The following PDSS2 variants were observed in gnomAD, a reference collection of about 807,000 sequenced individuals.
The protein encoded by PDSS2 is decaprenyl diphosphate synthase subunit 2.
A neutral mutation model predicts 44.5 loss-of-function variants in PDSS2; 31 were observed. That is an observed-to-expected ratio of 0.70 (90% CI 0.52 to 0.94). PDSS2 has a LOEUF of 0.94. Ranked by LOEUF, PDSS2 falls within the 40% of genes least tolerant of loss-of-function variation. The pLI is 0.00. For synonymous variants in PDSS2, 157 were observed against 180.3 expected, an observed-to-expected ratio of 0.87 and a Z score of 1.03; for missense variants, 452 against 482.2, an observed-to-expected ratio of 0.94 and a Z score of 0.59.
intron 3 of PDSS2, among the ~76,000 whole-genome samples, chr6:107,262,468 G>A (rs927842280): frequency 1.4e-4 from 21 of 151,824 alleles, no homozygotes; most frequent in Admixed American, 6.6e-5. Flanking sequence ...GATTTCTCTC[G>A]TGCTAAGAAA....
intron 2 of PDSS2, among the ~76,000 whole-genome samples, chr6:107,276,601 A>C (rs893346482): frequency 2.0e-5 from 3 of 152,276 alleles, no homozygotes; most frequent in Admixed American, 1.3e-4. Flanking sequence ...ATATGGAAGG[A>C]ATGTGAAATA....
intron 3 of PDSS2, among the ~76,000 whole-genome samples, chr6:107,261,902 CTTTT>C (rs1562416894): frequency 1.2e-5 from 1 of 85,636 alleles, no homozygotes; most frequent in African/African-American, 4.0e-5. Flanking sequence ...TCTTTTCTTT[CTTTT>C]CTTTTTTTTT....
chr6:107,283,037 G>C (rs1286365013), intron 2 of PDSS2, among the ~76,000 whole-genome samples: 1 of 151,626 alleles, frequency 6.6e-6, no homozygotes. Context: ...TAAACAGTTT[G>C]GCTGGGTGTG....
At chr6:107,363,962 T>C (rs1474773087) in intron 1 of PDSS2, among the ~76,000 whole-genome samples, 4 of 151,788 alleles carry the variant, frequency 2.6e-5, no homozygotes, top group Non-Finnish European at 5.9e-5. Context: ...TTACAATCCT[T>C]GAGCTAGATA....
intron 4 of PDSS2, among the ~76,000 whole-genome samples, chr6:107,232,806 A>G (rs1774093933): frequency 6.6e-6 from 1 of 151,740 alleles, no homozygotes; most frequent in African/African-American, 2.4e-5. Context: ...CTCAATGACT[A>G]TTTCCTGATC....
intron 1 of PDSS2, among the ~76,000 whole-genome samples, chr6:107,395,766 A>T (rs1185079895): frequency 6.6e-6 from 1 of 151,818 alleles, no homozygotes; most frequent in Non-Finnish European, 1.5e-5. Flanking sequence ...TTTAATTTTG[A>T]TTTTTGAGCT....
intron 3 of PDSS2, among the ~76,000 whole-genome samples, chr6:107,246,473 A>G (rs1774618005): frequency 1.3e-5 from 2 of 152,172 alleles, no homozygotes; most frequent in Admixed American, 1.3e-4. Flanking sequence ...TTAACTTCCT[A>G]TGTTATGCAG....
chr6:107,353,362 A>G (rs964725255), intron 1 of PDSS2, among the ~76,000 whole-genome samples: 5 of 152,176 alleles, frequency 3.3e-5, no homozygotes, highest in Admixed American at 2.0e-4. Context: ...AGGAATAGCA[A>G]CTGATTTTAT....
intron 7 of PDSS2, among the ~76,000 whole-genome samples, chr6:107,158,686 C>T (rs1771002818): frequency 1.3e-5 from 2 of 152,116 alleles, no homozygotes; most frequent in South Asian, 2.1e-4. Context: ...GATTCAAACT[C>T]CTATCCTAGC....
At chr6:107,254,595 G>C (rs1284024171) in intron 3 of PDSS2, among the ~76,000 whole-genome samples, 1 of 152,126 alleles carries the variant, frequency 6.6e-6, no homozygotes, top group Admixed American at 6.5e-5. Flanking sequence ...TTGTACTCAG[G>C]ATATACCATT....
intron 6 of PDSS2, among the ~76,000 whole-genome samples, chr6:107,207,451 T>C (rs1015901563): frequency 6.6e-6 from 1 of 152,068 alleles, no homozygotes; most frequent in African/African-American, 2.4e-5. Flanking sequence ...GCAACCTCCT[T>C]GAGATTTAGG....
chr6:107,422,093 A>G (rs918087130), intron 1 of PDSS2, among the ~76,000 whole-genome samples: 9 of 151,638 alleles, frequency 5.9e-5, no homozygotes, highest in African/African-American at 1.9e-4. Flanking sequence ...AAGTAAAAAA[A>G]AAAAAAAAAC....
In PDSS2 at chr6:107,385,740, T is replaced by TC. The variant is rs200807428; in HGVS notation, c.297-51409_297-51408insG. 5.3e-3 allele frequency among the ~76,000 whole-genome samples: 768 copies of TC among 146,064 alleles called. 7 individuals are homozygous for TC. The highest frequency in any genetic ancestry group is 0.018 in the African/African-American group (736 of 40,112). On this transcript the variant is annotated intron_variant, in intron 1 of 7. Coordinates refer to ENST00000369037, the MANE Select transcript of PDSS2 (RefSeq NM_020381.4). ...CTGAACATCTTTTTTTTTCTCTCTC[T>TC]TTTTTTTTTTAAATAAAATAGGCAA...
intron 1 of PDSS2, among the ~76,000 whole-genome samples, chr6:107,380,158 CCT>C (rs1165026504): frequency 6.6e-6 from 1 of 151,992 alleles, no homozygotes; most frequent in Non-Finnish European, 1.5e-5. Flanking sequence ...TTTTGTCTCC[CCT>C]GTTATCTTTG....
At chr6:107,401,658 C>T (rs888768030) in intron 1 of PDSS2, among the ~76,000 whole-genome samples, 1 of 151,890 alleles carries the variant, frequency 6.6e-6, no homozygotes, top group African/African-American at 2.4e-5. Context: ...ATCTGAAAAC[C>T]AATACAAAGA....
chr6:107,277,530 T>C (rs1343647670), intron 2 of PDSS2, among the ~76,000 whole-genome samples: 4 of 152,104 alleles, frequency 2.6e-5, no homozygotes, highest in Admixed American at 6.6e-5. Context: ...AGGTGATACA[T>C]AGAAAAATCT....
intron 1 of PDSS2, among the ~76,000 whole-genome samples, chr6:107,357,252 A>G (rs1778622037): frequency 6.6e-6 from 1 of 152,166 alleles, no homozygotes; most frequent in African/African-American, 2.4e-5. Context: ...ACCCATTTAT[A>G]CAGGCTATTA....
chr6:107,156,335 C>T (rs1298912303), intron 7 of PDSS2, among the ~76,000 whole-genome samples: 1 of 151,786 alleles, frequency 6.6e-6, no homozygotes, highest in Non-Finnish European at 1.5e-5. Context: ...GCTGGGACTA[C>T]AGGTACCCAC....
At chr6:107,352,023 G>C (rs146379519) in intron 1 of PDSS2, among the ~76,000 whole-genome samples, 1 of 152,106 alleles carries the variant, frequency 6.6e-6, no homozygotes, top group African/African-American at 2.4e-5. Context: ...TCAGAGACCT[G>C]AATTTTACAA....
Sources: gnomAD v4.1 joint callset for allele counts (sites outside exome capture counted in the v4.1 genomes callset) on GRCh38, gnomAD v4.1.1 for gene constraint, MANE v1.5 for transcripts, NCBI Gene and HGNC (gene_info 2026-07-23, HGNC 2026-07-21) for gene names.